The following N4BP2L2 variants were observed in gnomAD, a reference collection of about 807,000 sequenced individuals.
N4BP2L2 encodes NEDD4-binding protein 2-like 2.
Under a neutral mutation model 56.2 loss-of-function variants are expected in N4BP2L2, and 50 were observed. That is an observed-to-expected ratio of 0.89 (90% CI 0.71 to 1.13). The LOEUF is 1.13. Among genes scored for constraint, N4BP2L2 ranks in the 50% most tolerant of loss-of-function variants. The probability of loss-of-function intolerance (pLI) is 0.00; values close to 1 mark genes in which losing one functional copy is unlikely to be tolerated. For synonymous variants in N4BP2L2, 203 were observed against 223.6 expected (o/e 0.91, Z 0.82); for missense variants, 689 against 693.8 (o/e 0.99, Z 0.08).
At chr13:32,478,345 G>C (rs568253396) in intron 6 of N4BP2L2, 1 of 249,964 alleles carries the variant, frequency 4.0e-6, no homozygotes, top group Non-Finnish European at 8.1e-6. Context: ...ACTATATAAC[G>C]CAATTTCTTA....
chr13:32,498,803 G>C (rs1369273382), intron 6 of N4BP2L2, among the ~76,000 whole-genome samples: 1 of 150,738 alleles, frequency 6.6e-6, no homozygotes, highest in African/African-American at 2.4e-5. Flanking sequence ...AGGAGTTCAA[G>C]ATCAGCCTGG....
At chr13:32,522,128 G>T (rs2051133090) in intron 4 of N4BP2L2, 54 bp downstream of exon 4, 2 of 1,203,750 alleles carry the variant, frequency 1.7e-6, no homozygotes, top group Admixed American at 4.5e-5. Flanking sequence ...ATTTTAGAAT[G>T]TGAAAAAATT....
chr13:32,537,041 A>C lies in N4BP2L2; in HGVS notation c.1-14T>G, dbSNP rs1460967784. The C allele has an allele frequency of 1.4e-6, 2 of 1,465,426 alleles. No individual in the cohort carries two copies. Among genetic ancestry groups the C allele is most frequent in the Admixed American group, 2.4e-5 (1 of 41,618 alleles). 90.8% of individuals were successfully genotyped at this position (1,465,426 alleles called of 1,614,324 possible). A position where few individuals can be genotyped will look rare whatever the true frequency, so the allele number is the denominator to read the frequency against. On this transcript the variant is annotated splice_polypyrimidine_tract_variant and intron_variant, in intron 1 of 5. Transcript: ENST00000267068. ...ACCATAAGACATCTGAGAAATAAAT[A>C]AATCATACAATTACTAGCTAATATA...
chr13:32,506,756 T>C (rs1340182041), downstream of N4BP2L2: 1 of 152,138 alleles, frequency 6.6e-6, no homozygotes, highest in Non-Finnish European at 1.5e-5. Context: ...GAGGTGGTTA[T>C]CAGGGCTGGA....
intron 6 of N4BP2L2, among the ~76,000 whole-genome samples, chr13:32,484,421 A>G (rs1478251398): frequency 6.6e-6 from 1 of 152,226 alleles, no homozygotes; most frequent in East Asian, 1.9e-4. Context: ...TTGAAAAAAT[A>G]TAGCTAAAGG....
chr13:32,514,902 C>T (rs1351036398), exon 6 of N4BP2L2: 1 of 151,820 alleles, frequency 6.6e-6, no homozygotes, highest in South Asian at 2.1e-4. Context: ...CTTTGGGAGG[C>T]CAAGGCAGGC....
At chr13:32,446,608 A>C (rs945807831) in intron 6 of N4BP2L2, 4 of 1,062,502 alleles carry the variant, frequency 3.8e-6, no homozygotes, top group Non-Finnish European at 5.0e-6. Context: ...AGTTTAATGC[A>C]CTTAATGTAT....
downstream of N4BP2L2, chr13:32,505,766 C>T (rs1237517881): frequency 6.6e-6 from 1 of 152,106 alleles, no homozygotes; most frequent in Non-Finnish European, 1.5e-5. Context: ...ATATTTCTAC[C>T]AATATTTATT....
exon 7 of N4BP2L2, chr13:32,443,499 T>C: frequency 4.9e-5 from 79 of 1,611,960 alleles, no homozygotes; most frequent in Non-Finnish European, 6.4e-5. Flanking sequence ...AAACTTTATC[T>C]GACATTCTGA....
At chr13:32,463,938 A>AT (rs36108970) in intron 6 of N4BP2L2, among the ~76,000 whole-genome samples, 4 of 146,842 alleles carry the variant, frequency 2.7e-5, no homozygotes, top group Non-Finnish European at 1.5e-5. Flanking sequence ...AAAAAAAAAA[A>AT]GGTAAAGGGA....
intron 9 of N4BP2L2, among the ~76,000 whole-genome samples, chr13:32,433,925 G>A (rs1449941352): frequency 1.4e-4 from 10 of 70,694 alleles, no homozygotes; most frequent in African/African-American, 6.7e-4. Context: ...GAGCAAGACC[G>A]TGTCTCAAAA....
chr13:32,448,311 G>A (rs1000779038), intron 6 of N4BP2L2, among the ~76,000 whole-genome samples: 3 of 152,058 alleles, frequency 2.0e-5, no homozygotes, highest in African/African-American at 7.2e-5. Flanking sequence ...TCAAAGCTGT[G>A]TCAAGGATCA....
rs930113460 is a variant in N4BP2L2 at position 32,521,425 on chromosome 13, C to A, written c.1498G>T (p.Glu500Ter). The A allele has an allele frequency of 2.5e-6, 4 of 1,612,822 alleles. No individual in the cohort carries two copies. In the African/African-American group the frequency reaches 5.3e-5, roughly 22 times the overall value. The change falls in exon 5 of 6, where the codon GAG becomes TAG. Residue 500 changes from glutamate (E) to a stop codon, truncating the protein, a stop_gained. Coordinates refer to ENST00000267068, the Ensembl canonical transcript of N4BP2L2. LOFTEE classifies it high-confidence loss of function. ...CACCAAGTTTCAGGTTCATGAAACT[C>A]TACTCTGTATCCTTTTCCTATGGCC...
intron 6 of N4BP2L2, among the ~76,000 whole-genome samples, chr13:32,465,899 G>A (rs1032006445): frequency 1.3e-5 from 2 of 152,102 alleles, no homozygotes; most frequent in Non-Finnish European, 2.9e-5. Flanking sequence ...TGATCCACCC[G>A]CCTCGGCCTC....
Position 32,447,802 on chromosome 13 carries a change from G to A in N4BP2L2, c.366-3676C>T, listed in dbSNP as rs957033849. 8.6e-5 allele frequency among the ~76,000 whole-genome samples: 13 copies of A among 151,394 alleles called. No homozygotes were observed. The East Asian group carries it at 9.6e-4, about 11-fold the overall frequency. ...AGGACCCTGCTAATGTCTTTTTTTC[G>A]TTGTTTTTTTTTCTCCTAAGTCTGC... On this transcript the variant is annotated intron_variant, in intron 6 of 9. Transcript: ENST00000357505.
At chr13:32,494,474 T>A (rs1326085267) in intron 6 of N4BP2L2, among the ~76,000 whole-genome samples, 1 of 151,920 alleles carries the variant, frequency 6.6e-6, no homozygotes, top group Non-Finnish European at 1.5e-5. Flanking sequence ...AAAAAAGTAC[T>A]ATCTTTAGGC....
At chr13:32,455,831 A>T (rs1173838205) in intron 6 of N4BP2L2, among the ~76,000 whole-genome samples, 5 of 152,148 alleles carry the variant, frequency 3.3e-5, no homozygotes, top group Admixed American at 2.0e-4. Context: ...CCTGTCTGCC[A>T]CTACCAACAC....
exon 2 of N4BP2L2, chr13:32,535,899 A>G: frequency 8.7e-6 from 14 of 1,614,148 alleles, no homozygotes; most frequent in Non-Finnish European, 1.1e-5. Context: ...TTGTCCATAC[A>G]ATGATCTTTC....
At chr13:32,461,667 AT>A (rs1314352622) in intron 6 of N4BP2L2, among the ~76,000 whole-genome samples, 6 of 152,176 alleles carry the variant, frequency 3.9e-5, no homozygotes, top group African/African-American at 4.8e-5. Context: ...CAGTGGTGTG[AT>A]TATAGTTCAC....
Sources: gnomAD v4.1 joint callset for allele counts (sites outside exome capture counted in the v4.1 genomes callset) on GRCh38, gnomAD v4.1.1 for gene constraint, MANE v1.5 for transcripts, NCBI Gene and HGNC (gene_info 2026-07-23, HGNC 2026-07-21) for gene names.